Variants in SPAG16 observed in about 807,000 individuals in gnomAD.
The protein encoded by SPAG16 is sperm associated antigen 16.
In SPAG16, 86 loss-of-function variants were observed where a neutral mutation model predicts 80.4. That is an observed-to-expected ratio of 1.07 (90% CI 0.90 to 1.28). The LOEUF (loss-of-function observed/expected upper bound fraction) is 1.28, where lower values mean the gene tolerates loss of function less well. Among genes scored for constraint, SPAG16 ranks in the 50% most tolerant of loss-of-function variants. The pLI, the probability that SPAG16 is intolerant of heterozygous loss-of-function variation, is 0.00. For synonymous variants in SPAG16, 294 were observed against 265.9 expected (o/e 1.11, Z -1.03); for missense variants, 870 against 765.3 (o/e 1.14, Z -1.61).
intron 15 of SPAG16, among the ~76,000 whole-genome samples, chr2:214,253,988 G>C (rs1345614177): frequency 6.6e-6 from 1 of 152,062 alleles, no homozygotes; most frequent in Non-Finnish European, 1.5e-5. Flanking sequence ...TTGAGCAGTG[G>C]TTTGTAGTTC....
At chr2:213,845,159 T>C in intron 10 of SPAG16, among the ~76,000 whole-genome samples, 1 of 151,686 alleles carries the variant, frequency 6.6e-6, no homozygotes, top group East Asian at 1.9e-4. Context: ...TAATAAAAAG[T>C]TTTTATATTA....
intron 13 of SPAG16, among the ~76,000 whole-genome samples, chr2:214,083,310 A>G (rs1339016053): frequency 2.0e-5 from 3 of 152,192 alleles, no homozygotes; most frequent in East Asian, 1.9e-4. Context: ...GCTAAGGGAA[A>G]GAACCTGTGG....
intron 15 of SPAG16, among the ~76,000 whole-genome samples, chr2:214,379,657 C>A (rs1282624614): frequency 2.0e-5 from 3 of 152,106 alleles, no homozygotes; most frequent in Admixed American, 6.5e-5. Flanking sequence ...TAGACTAGTT[C>A]CAGAAGAAAG....
At chr2:213,793,179 C>T (rs1253613023) in intron 10 of SPAG16, among the ~76,000 whole-genome samples, 1 of 151,864 alleles carries the variant, frequency 6.6e-6, no homozygotes, top group East Asian at 1.9e-4. Flanking sequence ...CCACCCGCCT[C>T]GGCCTCTCAA....
At chr2:214,347,442 C>A (rs2126042065) in intron 15 of SPAG16, among the ~76,000 whole-genome samples, 1 of 151,900 alleles carries the variant, frequency 6.6e-6, no homozygotes, top group Non-Finnish European at 1.5e-5. Flanking sequence ...AGCTGCAAGG[C>A]AAAGATCAAA....
chr2:213,498,023 C>G (rs2074571322), intron 10 of SPAG16, among the ~76,000 whole-genome samples: 1 of 152,116 alleles, frequency 6.6e-6, no homozygotes, highest in Non-Finnish European at 1.5e-5. Context: ...TGCAGAATGT[C>G]AGAGAAGATG....
At chr2:214,074,702 A>C (rs2050979118) in intron 13 of SPAG16, among the ~76,000 whole-genome samples, 1 of 152,186 alleles carries the variant, frequency 6.6e-6, no homozygotes, top group African/African-American at 2.4e-5. Flanking sequence ...ATAAAAAGAC[A>C]GTTTTCAATT....
In SPAG16 at chr2:214,272,298, AT is replaced by A. The variant is rs527948136; in HGVS notation, c.1720+123042del. Among the ~76,000 whole-genome samples the A allele has an allele frequency of 8.7e-3, 1,309 of 150,282 alleles. 10 individuals are homozygous for A. The highest frequency in any genetic ancestry group is 0.011 in the Non-Finnish European group (714 of 67,352). ...TGTCTCTTATATCTGTATGGTGGAA[AT>A]TTTTTTTTTATTATACTTTAAGTTC... On this transcript the variant is annotated intron_variant, in intron 15 of 15. Transcript: ENST00000331683.
At chr2:214,381,890 G>A (rs1700469120) in intron 15 of SPAG16, among the ~76,000 whole-genome samples, 1 of 152,222 alleles carries the variant, frequency 6.6e-6, no homozygotes, top group African/African-American at 2.4e-5. Context: ...ATTATCTGGA[G>A]TGTTGCTTTA....
chr2:213,643,427 T>A (rs2062699596), intron 10 of SPAG16, among the ~76,000 whole-genome samples: 1 of 132,036 alleles, frequency 7.6e-6, no homozygotes, highest in East Asian at 2.3e-4. Flanking sequence ...CTCTTGCTGC[T>A]GTTATGATCC....
At chr2:213,682,437 A>G (rs919157801) in intron 10 of SPAG16, among the ~76,000 whole-genome samples, 3 of 152,230 alleles carry the variant, frequency 2.0e-5, no homozygotes, top group Admixed American at 2.0e-4. Flanking sequence ...TAAGAGTTAA[A>G]GAAGAAAGAA....
chr2:214,038,316 A>G (rs1195033768), intron 13 of SPAG16, among the ~76,000 whole-genome samples: 1 of 152,168 alleles, frequency 6.6e-6, no homozygotes, highest in Non-Finnish European at 1.5e-5. Context: ...ATTTTAACAC[A>G]AACTATTACC....
At chr2:213,991,315 C>A (rs1385052676) in intron 12 of SPAG16, among the ~76,000 whole-genome samples, 1 of 152,140 alleles carries the variant, frequency 6.6e-6, no homozygotes, top group African/African-American at 2.4e-5. Flanking sequence ...ATCCACATTT[C>A]TGCAAAGGGC....
chr2:213,340,896 G>A lies in SPAG16; in HGVS notation c.644+626G>A, dbSNP rs1386582430. Among the ~76,000 whole-genome samples, 3 of 152,078 alleles carry A rather than the reference G, an allele frequency of 2.0e-5. No homozygotes were observed. The East Asian group carries it at 5.8e-4, about 29-fold the overall frequency. ...ATTATATTTTGCTTGCTCTAAGGCA[G>A]TGCTATCCAACAGAACTTTTTGTGA... On this transcript the variant is annotated intron_variant, in intron 6 of 15. Coordinates refer to ENST00000331683, the MANE Select transcript of SPAG16 (RefSeq NM_024532.5).
chr2:213,523,617 G>A (rs2075772353), intron 10 of SPAG16, among the ~76,000 whole-genome samples: 1 of 152,162 alleles, frequency 6.6e-6, no homozygotes, highest in Admixed American at 6.5e-5. Flanking sequence ...GGAAAGTTTG[G>A]AACTTCCTAG....
At chr2:213,382,527 C>T (rs1003278497) in intron 9 of SPAG16, among the ~76,000 whole-genome samples, 3 of 152,186 alleles carry the variant, frequency 2.0e-5, no homozygotes, top group African/African-American at 4.8e-5. Context: ...ACCATTGGGT[C>T]TGCTGGGCCA....
At position 214,336,564 on chromosome 2, in the gene SPAG16, T is replaced by C. The variant is rs77289730; in HGVS notation, c.1721-73576T>C. On this transcript the variant is annotated intron_variant, in intron 15 of 15. Coordinates refer to ENST00000331683, the MANE Select transcript of SPAG16 (RefSeq NM_024532.5). ...AAATTTTCAAACATGTATATAAATA[T>C]AATAGCCAGTATTACAACTTAAGGC... 9.9e-5 allele frequency among the ~76,000 whole-genome samples: 15 copies of C among 152,230 alleles called. No individual in the cohort carries two copies. The East Asian group carries it at 2.7e-3, about 28-fold the overall frequency.
At chr2:214,121,827 G>A (rs34285959) in intron 14 of SPAG16, among the ~76,000 whole-genome samples, 17,017 of 151,810 alleles carry the variant, frequency 0.11, 1,162 homozygotes, top group East Asian at 0.29. Context: ...CCTTCAGTCT[G>A]TATGTATAAG....
chr2:214,191,739 A>AG (rs1249903180), intron 15 of SPAG16, among the ~76,000 whole-genome samples: 2 of 150,970 alleles, frequency 1.3e-5, no homozygotes, highest in Non-Finnish European at 3.0e-5. Flanking sequence ...AAAAAAAAAA[A>AG]AAAGGAAAAA....
Sources: allele counts gnomAD v4.1 joint callset (sites outside exome capture counted in the v4.1 genomes callset), GRCh38; gene constraint gnomAD v4.1.1; transcripts MANE v1.5; gene names NCBI Gene and HGNC (gene_info 2026-07-23, HGNC 2026-07-21).